Variants in ZNF407 observed in about 807,000 individuals in gnomAD.
The protein encoded by ZNF407 is zinc finger protein 407.
A neutral mutation model predicts 131.2 loss-of-function variants in ZNF407; 17 were observed. That is an observed-to-expected ratio of 0.13 (90% CI 0.09 to 0.19). ZNF407 has a LOEUF of 0.19. Among genes scored for constraint, ZNF407 ranks in the 10% least tolerant of loss-of-function variants. ZNF407 has a pLI of 1.00. For synonymous variants in ZNF407, 1,156 were observed against 1,062.0 expected (o/e 1.09, Z -1.72); for missense variants, 2,681 against 2,830.6 (o/e 0.95, Z 1.20).
intron 3 of ZNF407, among the ~76,000 whole-genome samples, chr18:74,665,143 G>C (rs1272002915): frequency 6.6e-6 from 1 of 152,170 alleles, no homozygotes; most frequent in African/African-American, 2.4e-5. Context: ...GTATTTTTAA[G>C]TTTTTCCTCT....
intron 8 of ZNF407, among the ~76,000 whole-genome samples, chr18:74,946,529 C>T (rs1272185528): frequency 6.6e-6 from 1 of 152,206 alleles, no homozygotes; most frequent in Non-Finnish European, 1.5e-5. Flanking sequence ...ATTTTGACCA[C>T]ACTTTACAGT....
At chr18:74,922,811 C>A (rs1226421336) in intron 8 of ZNF407, among the ~76,000 whole-genome samples, 1 of 152,162 alleles carries the variant, frequency 6.6e-6, no homozygotes, top group East Asian at 1.9e-4. Flanking sequence ...TATCCCTAGT[C>A]CCTGCTGTGC....
intron 8 of ZNF407, among the ~76,000 whole-genome samples, chr18:75,012,177 G>C (rs1207614898): frequency 6.6e-6 from 1 of 152,022 alleles, no homozygotes; most frequent in African/African-American, 2.4e-5. Flanking sequence ...TGGTGTCCTT[G>C]GGCACCTGTG....
At chr18:74,653,385 T>C (rs955744944) in intron 3 of ZNF407, among the ~76,000 whole-genome samples, 5 of 151,918 alleles carry the variant, frequency 3.3e-5, no homozygotes, top group African/African-American at 1.2e-4. Context: ...CAACTGAAGT[T>C]AGTAATAGTA....
chr18:74,616,119 T>C (rs967969026), intron 1 of ZNF407, among the ~76,000 whole-genome samples: 2 of 152,348 alleles, frequency 1.3e-5, no homozygotes, highest in Admixed American at 1.3e-4. Flanking sequence ...GAATTCAGCA[T>C]ACATTAACCA....
chr18:74,875,734 A>G (rs1039265891), intron 4 of ZNF407, among the ~76,000 whole-genome samples: 2 of 152,230 alleles, frequency 1.3e-5, no homozygotes, highest in African/African-American at 2.4e-5. Context: ...ATCCAATGAT[A>G]TAGTAATTTC....
intron 4 of ZNF407, among the ~76,000 whole-genome samples, chr18:74,850,750 C>A (rs954346070): frequency 6.6e-6 from 1 of 152,200 alleles, no homozygotes; most frequent in Admixed American, 6.5e-5. Flanking sequence ...GTAGCAGCCC[C>A]TTACTTGCTT....
intron 3 of ZNF407, among the ~76,000 whole-genome samples, chr18:74,766,784 T>C (rs1158506472): frequency 6.6e-6 from 1 of 152,246 alleles, no homozygotes; most frequent in East Asian, 1.9e-4. Context: ...TTACATTTTC[T>C]CTTTGCTGCC....
At position 74,638,279 on chromosome 18, in the gene ZNF407, C is replaced by G. The variant is rs145804709; in HGVS notation, c.4687+2573C>G. Among the ~76,000 whole-genome samples the G allele has an allele frequency of 5.5e-3, 841 of 152,328 alleles. 3 individuals are homozygous for G. The highest frequency in any genetic ancestry group is 0.017 in the South Asian group (81 of 4,830). ...CTGTAGACTTTAAGCACAGTGACCA[C>G]AAAGGCTTAACATTGTTCACTGCTT... On this transcript the variant is annotated intron_variant, in intron 2 of 8. Coordinates refer to ENST00000299687, the MANE Select transcript of ZNF407 (RefSeq NM_017757.3).
At chr18:74,759,983 A>AATAT (rs563137069) in intron 3 of ZNF407, among the ~76,000 whole-genome samples, 1 of 145,564 alleles carries the variant, frequency 6.9e-6, no homozygotes, top group African/African-American at 2.6e-5. Flanking sequence ...TCCATATATA[A>AATAT]ATATATATAT....
chr18:74,749,765 G>A (rs1968756086), intron 3 of ZNF407, among the ~76,000 whole-genome samples: 2 of 152,140 alleles, frequency 1.3e-5, no homozygotes, highest in South Asian at 4.1e-4. Context: ...AAGTACAACA[G>A]TAGGTCAAGT....
intron 4 of ZNF407, among the ~76,000 whole-genome samples, chr18:74,791,505 C>A (rs1969825166): frequency 1.3e-5 from 2 of 152,176 alleles, no homozygotes; most frequent in Admixed American, 1.3e-4. Flanking sequence ...GAAGCAATCT[C>A]ACCTTGGTGA....
At chr18:74,663,553 A>G (rs75414811) in intron 3 of ZNF407, among the ~76,000 whole-genome samples, 3,626 of 152,292 alleles carry the variant, frequency 0.024, 69 homozygotes, top group South Asian at 0.049. Flanking sequence ...TCGACACCAC[A>G]TATTACGTGT....
rs1460646860 is a variant in ZNF407 at position 74,847,539 on chromosome 18, AT to A, written c.4878-29652del. Among the ~76,000 whole-genome samples the A allele has an allele frequency of 7.2e-5, 11 of 152,280 alleles. No individual in the cohort carries two copies. In the South Asian group the frequency reaches 1.7e-3, roughly 23 times the overall value. On this transcript the variant is annotated intron_variant, in intron 4 of 8. Coordinates refer to ENST00000299687, the MANE Select transcript of ZNF407 (RefSeq NM_017757.3). ...CTGGTTCTCATCTTTTTAACTTTCT[AT>A]TTTTTAATTTCTTTTTTTCTCTTTT...
At chr18:74,953,905 A>G (rs77417346) in intron 8 of ZNF407, among the ~76,000 whole-genome samples, 5,605 of 152,306 alleles carry the variant, frequency 0.037, 375 homozygotes, top group African/African-American at 0.13. Context: ...AGAAAAGTTG[A>G]GACCCTAATG....
At chr18:74,827,671 A>T (rs1050525633) in intron 4 of ZNF407, among the ~76,000 whole-genome samples, 11 of 152,176 alleles carry the variant, frequency 7.2e-5, no homozygotes, top group Non-Finnish European at 1.3e-4. Flanking sequence ...CTTTTAGTAG[A>T]TAATGGCATT....
intron 3 of ZNF407, among the ~76,000 whole-genome samples, chr18:74,689,809 C>T (rs932417055): frequency 1.6e-4 from 24 of 152,006 alleles, no homozygotes; most frequent in Non-Finnish European, 2.8e-4. Context: ...TTCAGAGATG[C>T]GGTATTTGTA....
At chr18:74,797,441 T>C (rs1969941036) in intron 4 of ZNF407, among the ~76,000 whole-genome samples, 1 of 152,202 alleles carries the variant, frequency 6.6e-6, no homozygotes. Context: ...AGTGGGTAGA[T>C]GATAAACTCC....
At chr18:74,661,669 G>T (rs1985721527) in intron 3 of ZNF407, among the ~76,000 whole-genome samples, 1 of 152,066 alleles carries the variant, frequency 6.6e-6, no homozygotes, top group African/African-American at 2.4e-5. Context: ...TTGAAAAGAT[G>T]AGATTATTCT....
Sources: gnomAD v4.1 joint callset for allele counts (sites outside exome capture counted in the v4.1 genomes callset) on GRCh38, gnomAD v4.1.1 for gene constraint, MANE v1.5 for transcripts, NCBI Gene and HGNC (gene_info 2026-07-23, HGNC 2026-07-21) for gene names.